RFXANK: variants seen among roughly 807,000 people sequenced by gnomAD.
The protein encoded by RFXANK is DNA-binding protein RFXANK.
RFXANK carries 19 observed loss-of-function variants against 34.5 expected under a neutral mutation model. The ratio of observed to expected loss-of-function variants is 0.55; its 90% CI spans 0.38 to 0.81. RFXANK has a LOEUF of 0.81. Among genes scored for constraint, RFXANK ranks in the 30% least tolerant of loss-of-function variants. The probability of loss-of-function intolerance (pLI) is 0.00; values close to 1 mark genes in which losing one functional copy is unlikely to be tolerated. For synonymous variants in RFXANK, 154 were observed against 149.8 expected, an observed-to-expected ratio of 1.03 and a Z score of -0.20; for missense variants, 295 against 343.5, an observed-to-expected ratio of 0.86 and a Z score of 1.12.
intron 2 of RFXANK, 45 bp downstream of exon 2, chr19:19,193,145 G>A (rs1290647002): frequency 2.0e-5 from 3 of 152,394 alleles, no homozygotes; most frequent in Non-Finnish European, 2.9e-5. Flanking sequence ...GGGTGGGACT[G>A]GGACCAATCG....
intron 2 of RFXANK, 105 bp downstream of exon 2, chr19:19,193,205 T>C (rs962940435): frequency 6.6e-6 from 1 of 152,200 alleles, no homozygotes; most frequent in African/African-American, 2.4e-5. Context: ...CCAACAACCA[T>C]AGCGAATATT....
intron 8 of RFXANK, 152 bp downstream of exon 8, chr19:19,198,875 A>AG (rs2146497381): frequency 7.1e-6 from 6 of 842,314 alleles, no homozygotes; most frequent in South Asian, 7.0e-5. Flanking sequence ...ATCAGAGGGG[A>AG]GGAGGTGGTA....
chr19:19,201,576 C>T (rs775057320), intron 9 of RFXANK, 73 bp from the exon 10 acceptor site: 17 of 1,610,730 alleles, frequency 1.1e-5, no homozygotes, highest in East Asian at 6.7e-5. Flanking sequence ...AAGGGGAGAG[C>T]GCAGGTTGGC....
At chr19:19,199,106 C>T (rs374233022) in intron 8 of RFXANK, 48 bp from the exon 9 acceptor site, 19 of 1,564,762 alleles carry the variant, frequency 1.2e-5, no homozygotes, top group Non-Finnish European at 1.7e-5. Flanking sequence ...AGACCCCATT[C>T]TGGACTCCCA....
At chr19:19,194,690 ATT>A (rs75789359) in intron 3 of RFXANK, among the ~76,000 whole-genome samples, 17 of 136,984 alleles carry the variant, frequency 1.2e-4, no homozygotes, top group African/African-American at 8.1e-5. Flanking sequence ...CACCTGGCTA[ATT>A]TTTTTTTTTT....
At chr19:19,200,367 G>A (rs1469470322) in intron 9 of RFXANK, among the ~76,000 whole-genome samples, 7 of 151,400 alleles carry the variant, frequency 4.6e-5, no homozygotes, top group South Asian at 2.1e-4. Flanking sequence ...TAGTAGAGAC[G>A]GGGTTTCACC....
rs373540161 is a variant in RFXANK at position 19,197,448 on chromosome 19, G to A, written c.338-73G>A. ...CTGTCTAACCCCAGCCCCCCACCTC[G>A]TCCCCATTTGGCAGCACTGGGGATA... On this transcript the variant is annotated intron_variant, in intron 5 of 9. Transcript: ENST00000303088. 369 of 1,477,692 alleles carry A rather than the reference G, an allele frequency of 2.5e-4. 1 individual carries two copies. The South Asian group carries it at 2.7e-3, about 11-fold the overall frequency. The allele number at this position is 1,477,692 out of a possible 1,614,324, so 91.5% of individuals were successfully genotyped here. A position where few individuals can be genotyped will look rare whatever the true frequency, so the allele number is the denominator to read the frequency against.
At chr19:19,201,079 A>G (rs1389274306) in intron 9 of RFXANK, among the ~76,000 whole-genome samples, 1 of 151,698 alleles carries the variant, frequency 6.6e-6, no homozygotes, top group African/African-American at 2.4e-5. Flanking sequence ...GATTACAGGC[A>G]TGAGCCACCA....
rs1378169747 is a variant in RFXANK at position 19,197,519 on chromosome 19, A to G, written c.338-2A>G. Reference sequence around the variant, plus strand: ...GTGGTATTGCCCGCCTCCTCCTGCCAGGTGACAACCTCGTCAACAAGCCAG... The same window carrying G: ...GTGGTATTGCCCGCCTCCTCCTGCCGGGTGACAACCTCGTCAACAAGCCAG... On this transcript the variant is annotated splice_acceptor_variant, in intron 5 of 9. Coordinates refer to ENST00000303088, the MANE Select transcript of RFXANK (RefSeq NM_003721.4). LOFTEE classifies it high-confidence loss of function. 2 of 1,613,568 alleles carry G rather than the reference A, an allele frequency of 1.2e-6. No individual in the cohort carries two copies. Among genetic ancestry groups the G allele is most frequent in the Non-Finnish European group, 1.7e-6 (2 of 1,179,906 alleles).
At chr19:19,201,389 T>C in intron 9 of RFXANK, 1 of 1,306,676 alleles carries the variant, frequency 7.7e-7, no homozygotes, top group Middle Eastern at 1.9e-4. Flanking sequence ...CATCTTTTCA[T>C]GAAAGTCACA....
intron 9 of RFXANK, 67 bp from the exon 10 acceptor site, chr19:19,201,582 T>TTAACC: frequency 1.2e-6 from 2 of 1,611,848 alleles, no homozygotes; most frequent in Non-Finnish European, 1.7e-6. Context: ...AGAGCGCAGG[T>TTAACC]TGGCCTGTGC....
At position 19,193,024 on chromosome 19, in the gene RFXANK, AAGTTTG is replaced by A. The variant is rs1307976106; in HGVS notation, c.-84_-79del. The A allele has an allele frequency of 6.6e-6, 1 of 152,094 alleles. No individual in the cohort carries two copies. Among genetic ancestry groups the A allele is most frequent in the Non-Finnish European group, 1.5e-5 (1 of 68,068 alleles). 9.4% of individuals were successfully genotyped at this position (152,094 alleles called of 1,614,324 possible). ...TCCTGCTATATCCATTGGAAGAGAA[AAGTTTG>A]TGACTTGGGCCCCCAAGTTTTGAGA... On this transcript the variant is annotated 5_prime_UTR_variant, in exon 2 of 10. It adds an upstream start codon to the 5' untranslated region. Transcript: ENST00000303088.
chr19:19,194,136 A>T lies in RFXANK; in HGVS notation c.187+3A>T. On this transcript the variant is annotated splice_donor_region_variant and intron_variant, in intron 3 of 9. Transcript: ENST00000303088. ...TGCCAGTGTTTCCTCTCCACAGGGT[A>T]GGATACCTCCTCTGGGATTAGCCCT... is the stretch of plus-strand genomic sequence containing the variant. The T allele has an allele frequency of 6.2e-7, 1 of 1,614,062 alleles. No homozygotes were observed. Among genetic ancestry groups the T allele is most frequent in the South Asian group, 1.1e-5 (1 of 91,088 alleles).
In RFXANK at chr19:19,199,151, C is replaced by A; in HGVS notation, c.632-3C>A. 1 of 1,613,586 alleles carries A rather than the reference C, an allele frequency of 6.2e-7. No homozygotes were observed. Among genetic ancestry groups the A allele is most frequent in the South Asian group, 1.1e-5 (1 of 91,088 alleles). ...CTCCAGCGCCCTCCCCTCTCCTTTG[C>A]AGCCCGAGGCGCTGACCTCACCACC... On this transcript the variant is annotated splice_polypyrimidine_tract_variant and splice_region_variant and intron_variant, in intron 8 of 9. Coordinates refer to ENST00000303088, the MANE Select transcript of RFXANK (RefSeq NM_003721.4).
intron 6 of RFXANK, 95 bp from the exon 7 acceptor site, chr19:19,198,012 C>CA (rs368350482): frequency 0.11 from 142,959 of 1,320,280 alleles, 10 homozygotes; most frequent in Non-Finnish European, 0.12. Context: ...ACTCTATCTC[C>CA]AAAAAAAAAA....
chr19:19,193,258 C>T (rs543568929), intron 2 of RFXANK, among the ~76,000 whole-genome samples, 158 bp downstream of exon 2: 110 of 152,194 alleles, frequency 7.2e-4, no homozygotes, highest in African/African-American at 2.6e-3. Flanking sequence ...AAGCTATGTA[C>T]AGACATAATT....
intron 2 of RFXANK, 41 bp from the exon 3 acceptor site, chr19:19,193,898 G>T: frequency 1.2e-6 from 2 of 1,605,532 alleles, no homozygotes; most frequent in Non-Finnish European, 1.7e-6. Context: ...TATAACTGTT[G>T]ATAATTATTG....
At chr19:19,193,806 C>A in intron 2 of RFXANK, 133 bp from the exon 3 acceptor site, 1 of 1,009,082 alleles carries the variant, frequency 9.9e-7, no homozygotes, top group Non-Finnish European at 1.6e-6. Context: ...TTTTCATTTC[C>A]CTGGCTCTGG....
intron 8 of RFXANK, 38 bp downstream of exon 8, chr19:19,198,761 A>T (rs1483756350): frequency 6.2e-7 from 1 of 1,602,834 alleles, no homozygotes; most frequent in Non-Finnish European, 8.5e-7. Context: ...GGGCCCCAGC[A>T]CTCCAGCGGG....
Sources: allele counts gnomAD v4.1 joint callset (sites outside exome capture counted in the v4.1 genomes callset), GRCh38; gene constraint gnomAD v4.1.1; transcripts MANE v1.5; gene names NCBI Gene and HGNC (gene_info 2026-07-23, HGNC 2026-07-21).